The following CADM2 variants were observed in gnomAD, a reference collection of about 807,000 sequenced individuals.
The protein encoded by CADM2 is cell adhesion molecule 2.
CADM2 carries 12 observed loss-of-function variants against 49.8 expected under a neutral mutation model. That is an observed-to-expected ratio of 0.24 (90% CI 0.15 to 0.39). CADM2 has a LOEUF of 0.39. CADM2 is among the 10% of genes least tolerant of loss of function. The pLI is 1.00. For synonymous variants in CADM2, 214 were observed against 175.4 expected (o/e 1.22, Z -1.74); for missense variants, 378 against 492.3 (o/e 0.77, Z 2.20).
At chr3:85,632,061 C>G (rs909465742) in intron 1 of CADM2, among the ~76,000 whole-genome samples, 2 of 152,058 alleles carry the variant, frequency 1.3e-5, no homozygotes, top group Non-Finnish European at 2.9e-5. Context: ...GTGTCCCACC[C>G]AAATCTCATC....
intron 3 of CADM2, among the ~76,000 whole-genome samples, chr3:85,838,769 A>G (rs1412579440): frequency 6.7e-6 from 1 of 150,228 alleles, no homozygotes; most frequent in Non-Finnish European, 1.5e-5. Context: ...CCAGTCATAG[A>G]TTGATTTTAT....
intron 2 of CADM2, among the ~76,000 whole-genome samples, chr3:85,750,364 A>G (rs2068810718): frequency 6.6e-6 from 1 of 152,050 alleles, no homozygotes; most frequent in African/African-American, 2.4e-5. Context: ...TCATTTATTC[A>G]TCTGTCTTTA....
chr3:86,034,946 T>G (rs1734976452), intron 8 of CADM2, among the ~76,000 whole-genome samples: 1 of 152,042 alleles, frequency 6.6e-6, no homozygotes, highest in African/African-American at 2.4e-5. Flanking sequence ...AGGCTTTATT[T>G]GTCTCTCACC....
intron 8 of CADM2, among the ~76,000 whole-genome samples, chr3:86,055,451 C>CTTTTTTTTTTTT (rs57606781): frequency 2.4e-4 from 21 of 87,478 alleles, no homozygotes; most frequent in East Asian, 1.2e-3. Context: ...GGCATCCCCT[C>CTTTTTTTTTTTT]TTTTTTTTTT....
chr3:85,257,807 T>A (rs762104213), intron 1 of CADM2, among the ~76,000 whole-genome samples: 163 of 152,090 alleles, frequency 1.1e-3, no homozygotes, highest in Non-Finnish European at 1.9e-3. Flanking sequence ...CCAAGAGTTT[T>A]AAAAATCTAT....
chr3:85,575,886 T>C (rs1382745227), intron 1 of CADM2, among the ~76,000 whole-genome samples: 1 of 152,212 alleles, frequency 6.6e-6, no homozygotes, highest in Non-Finnish European at 1.5e-5. Context: ...GAGTATGTAC[T>C]GAAGATGACA....
intron 1 of CADM2, among the ~76,000 whole-genome samples, chr3:85,295,530 T>G (rs2106957990): frequency 6.6e-6 from 1 of 152,106 alleles, no homozygotes. Flanking sequence ...AGCAAAGACT[T>G]GGAACCAACC....
chr3:85,488,176 G>T (rs2039509097), intron 1 of CADM2, among the ~76,000 whole-genome samples: 1 of 152,102 alleles, frequency 6.6e-6, no homozygotes, highest in African/African-American at 2.4e-5. Context: ...GGCCATTAAA[G>T]GTCTTACTAA....
At chr3:85,850,008 G>T (rs2108288161) in intron 3 of CADM2, among the ~76,000 whole-genome samples, 1 of 152,098 alleles carries the variant, frequency 6.6e-6, no homozygotes, top group South Asian at 2.1e-4. Context: ...TAAAAGAATT[G>T]GTAAAAAGGA....
chr3:85,422,089 G>T (rs561518943), intron 1 of CADM2, among the ~76,000 whole-genome samples: 5 of 152,220 alleles, frequency 3.3e-5, no homozygotes, highest in Middle Eastern at 3.4e-3. Context: ...AATTAAAAGG[G>T]TTATCTAATT....
intron 1 of CADM2, among the ~76,000 whole-genome samples, chr3:85,363,012 C>A (rs1238967300): frequency 6.6e-6 from 1 of 152,084 alleles, no homozygotes; most frequent in Non-Finnish European, 1.5e-5. Context: ...TGGATAAAAT[C>A]TAAATTTGTA....
At chr3:85,490,496 A>G (rs919856972) in intron 1 of CADM2, among the ~76,000 whole-genome samples, 6 of 152,122 alleles carry the variant, frequency 3.9e-5, no homozygotes. Context: ...AGGTAGAAGG[A>G]TTGCTTAAGT....
At chr3:84,986,847 T>C (rs1472394675) in intron 1 of CADM2, among the ~76,000 whole-genome samples, 1 of 149,366 alleles carries the variant, frequency 6.7e-6, no homozygotes, top group East Asian at 2.0e-4. Context: ...AGGTTGGGAG[T>C]TCAAGACCAC....
intron 3 of CADM2, among the ~76,000 whole-genome samples, chr3:85,815,698 G>T (rs2073163887): frequency 6.6e-6 from 1 of 152,086 alleles, no homozygotes; most frequent in African/African-American, 2.4e-5. Flanking sequence ...GACAAGGTTG[G>T]CCTCTCTCAC....
At chr3:85,544,529 A>T (rs1181057070) in intron 1 of CADM2, among the ~76,000 whole-genome samples, 1 of 152,142 alleles carries the variant, frequency 6.6e-6, no homozygotes, top group East Asian at 1.9e-4. Flanking sequence ...GTGAACGGAG[A>T]TCGCGCCACT....
At chr3:85,537,654 A>G (rs572335293) in intron 1 of CADM2, among the ~76,000 whole-genome samples, 21 of 151,742 alleles carry the variant, frequency 1.4e-4, no homozygotes, top group Non-Finnish European at 2.4e-4. Context: ...TTAACATGTC[A>G]TGTTATAACC....
chr3:85,967,589 T>G (rs937805198), intron 8 of CADM2, among the ~76,000 whole-genome samples: 2 of 151,648 alleles, frequency 1.3e-5, no homozygotes, highest in African/African-American at 4.8e-5. Flanking sequence ...CTCTCATGTA[T>G]TCATGTCATG....
At chr3:85,295,612 TA>T (rs1363442866) in intron 1 of CADM2, among the ~76,000 whole-genome samples, 1 of 152,052 alleles carries the variant, frequency 6.6e-6, no homozygotes, top group Non-Finnish European at 1.5e-5. Flanking sequence ...TATGCAGCCA[TA>T]AAAATGATGA....
At chr3:85,794,381 C>A (rs1391516604) in intron 2 of CADM2, among the ~76,000 whole-genome samples, 1 of 152,110 alleles carries the variant, frequency 6.6e-6, no homozygotes. Flanking sequence ...CTTCTATTTA[C>A]TATCCAATAT....
Sources: gnomAD v4.1 joint callset for allele counts (sites outside exome capture counted in the v4.1 genomes callset) on GRCh38, gnomAD v4.1.1 for gene constraint, MANE v1.5 for transcripts, NCBI Gene and HGNC (gene_info 2026-07-23, HGNC 2026-07-21) for gene names.